Variants in LOC728743 observed in about 807,000 individuals in gnomAD.
chr7:150,408,872 G>A, the LOC728743 span, among the ~76,000 whole-genome samples: 956 of 152,340 alleles, frequency 6.3e-3, 10 homozygotes, highest in African/African-American at 0.021. Flanking sequence ...CTGGTGCACA[G>A]AGCCTTAGTT....
chr7:150,404,081 C>T, the LOC728743 span, among the ~76,000 whole-genome samples: 1 of 152,230 alleles, frequency 6.6e-6, no homozygotes, highest in African/African-American at 2.4e-5. Flanking sequence ...ACAGCGCCAC[C>T]CCAACCACCA....
chr7:150,408,219 T>C, the LOC728743 span: 1 of 391,444 alleles, frequency 2.6e-6, no homozygotes, highest in Admixed American at 4.4e-5. Context: ...GGACGCGTGC[T>C]ATGATGCGCC....
At chr7:150,411,567 T>C in the LOC728743 span, 1 of 152,516 alleles carries the variant, frequency 6.6e-6, no homozygotes, top group Non-Finnish European at 1.5e-5. Context: ...TGGGTTTGGG[T>C]CAGCGTGGTT....
chr7:150,409,656 G>A, the LOC728743 span, among the ~76,000 whole-genome samples: 1 of 152,176 alleles, frequency 6.6e-6, no homozygotes, highest in Non-Finnish European at 1.5e-5. Context: ...GGGGCCATGT[G>A]ATAGGAGCTG....
the LOC728743 span, chr7:150,408,025 C>G: frequency 2.5e-6 from 1 of 397,238 alleles, no homozygotes. Flanking sequence ...AGCCGCGCTT[C>G]CTGCTCAACC....
the LOC728743 span, chr7:150,408,136 C>T: frequency 7.7e-6 from 3 of 388,180 alleles, no homozygotes; most frequent in African/African-American, 4.1e-5. Flanking sequence ...GCAAGAGCTT[C>T]GCGCGCGAGG....
the LOC728743 span, chr7:150,408,521 C>A: frequency 3.8e-6 from 1 of 262,800 alleles, no homozygotes; most frequent in Non-Finnish European, 7.2e-6. Context: ...GAGCCCCTCT[C>A]AGGGCTGGGA....
chr7:150,409,363 G>A, the LOC728743 span, among the ~76,000 whole-genome samples: 2 of 152,190 alleles, frequency 1.3e-5, no homozygotes, highest in African/African-American at 2.4e-5. Flanking sequence ...ATCTGGGCAA[G>A]AGAACATAAG....
At chr7:150,403,762 G>C in the LOC728743 span, among the ~76,000 whole-genome samples, 1 of 152,318 alleles carries the variant, frequency 6.6e-6, no homozygotes, top group Middle Eastern at 3.4e-3. The surrounding 1 kb of genome is among the most constrained non-coding windows in gnomAD (Gnocchi z 5.1). Flanking sequence ...ACATCCAGCA[G>C]TGAGGTGTCT....
the LOC728743 span, chr7:150,408,570 C>T: frequency 5.0e-6 from 1 of 198,834 alleles, no homozygotes. Flanking sequence ...TTCTTGATGG[C>T]AGGTGGGGCG....
chr7:150,402,393 C>T, the LOC728743 span, among the ~76,000 whole-genome samples: 1 of 152,232 alleles, frequency 6.6e-6, no homozygotes, highest in African/African-American at 2.4e-5. Context: ...CCTGCACCTC[C>T]TCATTCCTTG....
At chr7:150,405,193 GT>G in the LOC728743 span, 554 of 152,316 alleles carry the variant, frequency 3.6e-3, 3 homozygotes, top group Non-Finnish European at 7.1e-3. Context: ...TGGCAGCCCC[GT>G]TTTCCGCCAG....
At chr7:150,404,801 T>G in the LOC728743 span, 4 of 152,466 alleles carry the variant, frequency 2.6e-5, no homozygotes, top group East Asian at 5.8e-4. Flanking sequence ...CCAGGCCATA[T>G]AGTCAGGCAG....
chr7:150,407,836 G>T, the LOC728743 span: 1 of 418,080 alleles, frequency 2.4e-6, no homozygotes, highest in Non-Finnish European at 4.3e-6. Flanking sequence ...AGTGCGGCAA[G>T]GCCTTCAGCG....
At chr7:150,406,611 G>T in the LOC728743 span, among the ~76,000 whole-genome samples, 1 of 152,162 alleles carries the variant, frequency 6.6e-6, no homozygotes, top group African/African-American at 2.4e-5. Flanking sequence ...CTTTAAAGTG[G>T]GGCTCAATAA....
the LOC728743 span, chr7:150,408,193 C>T: frequency 1.0e-5 from 4 of 392,448 alleles, no homozygotes; most frequent in East Asian, 1.5e-4. Context: ...GGCCCGAGGG[C>T]CAGGCGGCCC....
chr7:150,403,180 A>T, the LOC728743 span, among the ~76,000 whole-genome samples: 2 of 151,910 alleles, frequency 1.3e-5, no homozygotes, highest in African/African-American at 2.4e-5. The surrounding 1 kb of genome is among the most constrained non-coding windows in gnomAD (Gnocchi z 5.1). Flanking sequence ...ATGAGGGGGA[A>T]CCTTGGGGGA....
the LOC728743 span, among the ~76,000 whole-genome samples, chr7:150,409,871 A>G: frequency 2.6e-5 from 4 of 152,082 alleles, no homozygotes; most frequent in East Asian, 1.9e-4. Context: ...TCCTCTGCCT[A>G]CCACTCCCAG....
chr7:150,412,453 A>C, the LOC728743 span: 2 of 152,260 alleles, frequency 1.3e-5, no homozygotes, highest in African/African-American at 4.8e-5. Flanking sequence ...GAGTGGAATA[A>C]ATGTTCTCTC....
Sources: allele counts gnomAD v4.1 joint callset (sites outside exome capture counted in the v4.1 genomes callset), GRCh38; gene constraint gnomAD v4.1.1; non-coding constraint Gnocchi (gnomAD v3.1); transcripts MANE v1.5.